Variants in NXPE2 observed in about 807,000 individuals in gnomAD.
NXPE2 encodes the protein NXPE family member 2.
In NXPE2, 34 loss-of-function variants were observed where a neutral mutation model predicts 34.4. The observed-to-expected ratio is 0.99, with a 90% confidence interval of 0.75 to 1.31. The LOEUF (loss-of-function observed/expected upper bound fraction) is 1.31, where lower values mean the gene tolerates loss of function less well. Ranked by LOEUF, NXPE2 falls within the 40% of genes most tolerant of loss-of-function variation. The pLI, the probability that NXPE2 is intolerant of heterozygous loss-of-function variation, is 0.00. For missense variants in NXPE2, 649 were observed against 672.5 expected (o/e 0.97, Z 0.39); for synonymous variants, 235 against 231.3 (o/e 1.02, Z -0.15).
At chr11:114,612,075 G>T in the NXPE2 span, among the ~76,000 whole-genome samples, 3 of 151,400 alleles carry the variant, frequency 2.0e-5, no homozygotes, top group Non-Finnish European at 4.4e-5. Context: ...ACTCTTACAT[G>T]GTGGATAATA....
the NXPE2 span, among the ~76,000 whole-genome samples, chr11:114,803,128 G>A: frequency 2.6e-5 from 4 of 152,182 alleles, no homozygotes; most frequent in East Asian, 1.9e-4. Flanking sequence ...GGGGCCACAC[G>A]GCCTTTGTCA....
the NXPE2 span, among the ~76,000 whole-genome samples, chr11:114,778,578 A>C: frequency 2.6e-5 from 4 of 152,172 alleles, no homozygotes; most frequent in Non-Finnish European, 5.9e-5. Context: ...GATTTGAGAG[A>C]TAATTTGGAG....
At chr11:114,484,819 AT>A in the NXPE2 span, among the ~76,000 whole-genome samples, 1 of 152,174 alleles carries the variant, frequency 6.6e-6, no homozygotes, top group Non-Finnish European at 1.5e-5. Context: ...TCTTATTTCT[AT>A]TTGTTTATAG....
At chr11:114,715,965 A>G in the NXPE2 span, among the ~76,000 whole-genome samples, 1 of 152,188 alleles carries the variant, frequency 6.6e-6, no homozygotes, top group African/African-American at 2.4e-5. Context: ...TTCTTGGGTG[A>G]TGCCCAGGAA....
chr11:114,538,504 G>T, the NXPE2 span, among the ~76,000 whole-genome samples: 39 of 152,106 alleles, frequency 2.6e-4, no homozygotes, highest in African/African-American at 9.4e-4. Flanking sequence ...CCTACAAAAT[G>T]GGAGAAAATT....
chr11:114,603,042 T>G, the NXPE2 span, among the ~76,000 whole-genome samples: 1 of 151,578 alleles, frequency 6.6e-6, no homozygotes, highest in Non-Finnish European at 1.5e-5. Context: ...CGGAACCGTA[T>G]ATAATAATTA....
chr11:114,744,175 T>C, the NXPE2 span, among the ~76,000 whole-genome samples: 74 of 152,168 alleles, frequency 4.9e-4, no homozygotes, highest in Admixed American at 1.4e-3. Context: ...CAATTCCAGG[T>C]ATCAGAGACT....
downstream of NXPE2, among the ~76,000 whole-genome samples, chr11:114,709,706 C>A (rs1792421): frequency 0.38 from 57,205 of 151,880 alleles, 10,870 homozygotes; most frequent in African/African-American, 0.38. Context: ...GAGTTTGAGA[C>A]CAGCTTGGCC....
the NXPE2 span, among the ~76,000 whole-genome samples, chr11:114,663,626 T>TATCTATC: frequency 1.8e-4 from 10 of 55,660 alleles, no homozygotes; most frequent in East Asian, 2.9e-3. Context: ...TCTATCTATC[T>TATCTATC]ATCTATCTAT....
the NXPE2 span, among the ~76,000 whole-genome samples, chr11:114,573,977 G>C: frequency 6.6e-6 from 1 of 151,882 alleles, no homozygotes; most frequent in African/African-American, 2.4e-5. Flanking sequence ...ACAAGTCTCA[G>C]TAAATTTAAG....
chr11:114,667,638 G>A, the NXPE2 span, among the ~76,000 whole-genome samples: 2 of 152,100 alleles, frequency 1.3e-5, no homozygotes, highest in Non-Finnish European at 2.9e-5. Flanking sequence ...AAAACCAGCT[G>A]CCACATCATG....
the NXPE2 span, among the ~76,000 whole-genome samples, chr11:114,664,347 G>A: frequency 6.6e-6 from 1 of 152,130 alleles, no homozygotes; most frequent in African/African-American, 2.4e-5. Context: ...TAGGGACAAG[G>A]GCTGAACACA....
At chr11:114,630,580 A>T in the NXPE2 span, among the ~76,000 whole-genome samples, 1 of 151,434 alleles carries the variant, frequency 6.6e-6, no homozygotes, top group Admixed American at 6.6e-5. Context: ...CCAGAAGAAA[A>T]CCTAGGCATT....
At chr11:114,624,549 T>A in the NXPE2 span, among the ~76,000 whole-genome samples, 1 of 151,686 alleles carries the variant, frequency 6.6e-6, no homozygotes, top group African/African-American at 2.4e-5. Context: ...TGTTACCTAG[T>A]GGATAATAAG....
chr11:114,631,622 A>T, the NXPE2 span, among the ~76,000 whole-genome samples: 54 of 152,034 alleles, frequency 3.6e-4, no homozygotes, highest in South Asian at 1.5e-3. Flanking sequence ...ATGTATACAT[A>T]TGTAACTAAA....
chr11:114,790,773 A>G, the NXPE2 span, among the ~76,000 whole-genome samples: 2 of 152,166 alleles, frequency 1.3e-5, no homozygotes, highest in Non-Finnish European at 2.9e-5. Context: ...GAATTAAATC[A>G]TTGGGGTTGA....
chr11:114,796,063 T>TTC, the NXPE2 span, among the ~76,000 whole-genome samples: 1 of 152,200 alleles, frequency 6.6e-6, no homozygotes, highest in Non-Finnish European at 1.5e-5. Context: ...ATTTAAAAGA[T>TTC]ACACCATCTT....
chr11:114,700,512 G>T (rs939775124), intron 3 of NXPE2, among the ~76,000 whole-genome samples: 10 of 152,060 alleles, frequency 6.6e-5, no homozygotes, highest in African/African-American at 2.4e-4. Flanking sequence ...GTGCAGAAAG[G>T]CTGGAACGCG....
At chr11:114,802,342 G>A in the NXPE2 span, among the ~76,000 whole-genome samples, 1 of 152,152 alleles carries the variant, frequency 6.6e-6, no homozygotes, top group South Asian at 2.1e-4. Flanking sequence ...TTTTCTATTT[G>A]AAGGAAACAT....
Sources: allele counts gnomAD v4.1 joint callset (sites outside exome capture counted in the v4.1 genomes callset), GRCh38; gene constraint gnomAD v4.1.1; transcripts MANE v1.5; gene names NCBI Gene and HGNC (gene_info 2026-07-23, HGNC 2026-07-21).